Variants in PDGFC observed in about 807,000 individuals in gnomAD.
The protein encoded by PDGFC is platelet-derived growth factor C.
In PDGFC, 12 loss-of-function variants were observed where a neutral mutation model predicts 35.5. The ratio of observed to expected loss-of-function variants is 0.34; its 90% CI spans 0.22 to 0.55. The LOEUF is 0.55. PDGFC is among the 20% of genes least tolerant of loss of function. The pLI is 0.91. For missense variants in PDGFC, 322 were observed against 412.4 expected (o/e 0.78, Z 1.90); for synonymous variants, 159 against 148.8 (o/e 1.07, Z -0.50).
intron 1 of PDGFC, among the ~76,000 whole-genome samples, chr4:156,910,369 T>A (rs1277798858): frequency 6.6e-6 from 1 of 152,128 alleles, no homozygotes; most frequent in Non-Finnish European, 1.5e-5. Flanking sequence ...CATTTATCAA[T>A]AACTGCTCTT....
intron 3 of PDGFC, among the ~76,000 whole-genome samples, chr4:156,781,324 G>A (rs1036800952): frequency 7.9e-5 from 12 of 151,980 alleles, no homozygotes; most frequent in African/African-American, 2.4e-4. Context: ...CTTCTAACTG[G>A]TCTCCCTGTT....
At chr4:156,950,479 T>A (rs538976690) in intron 1 of PDGFC, among the ~76,000 whole-genome samples, 74 of 151,996 alleles carry the variant, frequency 4.9e-4, no homozygotes, top group Middle Eastern at 3.4e-3. Context: ...TCACCATTCA[T>A]TAAAACGGTA....
chr4:156,793,827 T>A (rs374800461), intron 3 of PDGFC, among the ~76,000 whole-genome samples: 1 of 146,564 alleles, frequency 6.8e-6, no homozygotes, highest in East Asian at 2.0e-4. Flanking sequence ...ATTTTTGGAT[T>A]AAAAAAAAAA....
chr4:156,815,119 G>A (rs568030669), intron 2 of PDGFC, among the ~76,000 whole-genome samples: 3 of 152,152 alleles, frequency 2.0e-5, no homozygotes, highest in East Asian at 1.9e-4. Flanking sequence ...AAGGTACTGT[G>A]TTGTCTATAA....
At chr4:156,962,460 C>T (rs1368940665) in intron 1 of PDGFC, among the ~76,000 whole-genome samples, 2 of 152,116 alleles carry the variant, frequency 1.3e-5, no homozygotes, top group African/African-American at 4.8e-5. Flanking sequence ...GTTCCCATAG[C>T]ACTTTGAGCA....
chr4:156,843,131 T>C (rs924209060), intron 2 of PDGFC, among the ~76,000 whole-genome samples: 13 of 152,130 alleles, frequency 8.5e-5, no homozygotes, highest in East Asian at 1.9e-4. Flanking sequence ...TATTTGAAGG[T>C]AGGGTATTTG....
chr4:156,767,817 C>G lies in PDGFC; in HGVS notation c.877G>C (p.Glu293Gln). ...NCACCLHNCN[E>Q]CQCVPSKVTK... ...ACTTTGCTTGGGACACATTGACATT[C>G]ATTGCAATTGTGGAGACAACAGGCA... Residue 293 changes from glutamate to glutamine, a missense_variant, in exon 5 of 6, where the codon GAA (glutamate) becomes CAA (glutamine). Glu to Gln is a conservative substitution (Grantham distance 29). Coordinates refer to ENST00000502773, the MANE Select transcript of PDGFC (RefSeq NM_016205.3). 6.2e-7 allele frequency: 1 copy of G among 1,613,228 alleles called. No homozygotes were observed.
At chr4:156,774,282 C>T (rs185273684) in intron 3 of PDGFC, 2 of 152,206 alleles carry the variant, frequency 1.3e-5, no homozygotes, top group Non-Finnish European at 2.9e-5. Context: ...CATATAATAT[C>T]ATCTCAGACT....
intron 5 of PDGFC, 75 bp downstream of exon 5, chr4:156,767,698 C>G: frequency 1.1e-6 from 1 of 886,014 alleles, no homozygotes; most frequent in Non-Finnish European, 1.9e-6. Flanking sequence ...CAAACATAAA[C>G]GCATTTCAGA....
intron 1 of PDGFC, among the ~76,000 whole-genome samples, chr4:156,908,807 C>G (rs1342275706): frequency 1.3e-5 from 2 of 152,044 alleles, no homozygotes. Flanking sequence ...GAGTATTATT[C>G]ATAATACCCA....
intron 3 of PDGFC, 140 bp downstream of exon 3, chr4:156,810,697 G>C (rs577223156): frequency 4.8e-4 from 293 of 616,026 alleles, no homozygotes; most frequent in Non-Finnish European, 7.7e-4. Flanking sequence ...GCATGTAAGA[G>C]TTTTTATTTA....
At chr4:156,792,899 C>A (rs1230309313) in intron 3 of PDGFC, among the ~76,000 whole-genome samples, 2 of 152,122 alleles carry the variant, frequency 1.3e-5, no homozygotes, top group Non-Finnish European at 2.9e-5. Context: ...CTCACCTTCA[C>A]CTCCGCATAT....
At chr4:156,888,686 T>C (rs2111188767) in intron 1 of PDGFC, among the ~76,000 whole-genome samples, 1 of 152,304 alleles carries the variant, frequency 6.6e-6, no homozygotes, top group East Asian at 1.9e-4. Flanking sequence ...CATCACTTTT[T>C]TCTTAGTCTT....
chr4:156,810,229 A>G (rs1365141185), intron 3 of PDGFC, among the ~76,000 whole-genome samples: 1 of 151,838 alleles, frequency 6.6e-6, no homozygotes, highest in African/African-American at 2.4e-5. Flanking sequence ...GTATTATATT[A>G]AACTTTAAAA....
intron 1 of PDGFC, among the ~76,000 whole-genome samples, chr4:156,870,558 T>C (rs1214562289): frequency 6.6e-6 from 1 of 152,128 alleles, no homozygotes; most frequent in Non-Finnish European, 1.5e-5. Flanking sequence ...ATTATCCCTG[T>C]TGTATTTAAA....
At chr4:156,772,306 C>G (rs1730711931) in intron 4 of PDGFC, among the ~76,000 whole-genome samples, 1 of 152,022 alleles carries the variant, frequency 6.6e-6, no homozygotes, top group African/African-American at 2.4e-5. Context: ...TTTTTCTATC[C>G]CTAACCTGGT....
intron 1 of PDGFC, among the ~76,000 whole-genome samples, chr4:156,923,866 A>C (rs139093354): frequency 2.1e-4 from 32 of 152,286 alleles, no homozygotes; most frequent in African/African-American, 6.0e-4. Flanking sequence ...GCTGAAAAAG[A>C]AGACAGAAAA....
At chr4:156,815,828 T>C (rs1257893314) in intron 2 of PDGFC, among the ~76,000 whole-genome samples, 4 of 152,192 alleles carry the variant, frequency 2.6e-5, no homozygotes, top group Non-Finnish European at 5.9e-5. Context: ...ACTAAACCTA[T>C]TTTATGAGCC....
At chr4:156,844,268 C>T (rs767446266) in intron 2 of PDGFC, among the ~76,000 whole-genome samples, 2 of 152,056 alleles carry the variant, frequency 1.3e-5, no homozygotes, top group Non-Finnish European at 2.9e-5. Context: ...CATTGATTGG[C>T]TTTAGATATT....
Sources: gnomAD v4.1 joint callset for allele counts (sites outside exome capture counted in the v4.1 genomes callset) on GRCh38, gnomAD v4.1.1 for gene constraint, MANE v1.5 for transcripts, NCBI Gene and HGNC (gene_info 2026-07-23, HGNC 2026-07-21) for gene names.